ST18: variants seen among roughly 807,000 people sequenced by gnomAD.
The protein encoded by ST18 is ST18 C2H2C-type zinc finger transcription factor.
A neutral mutation model predicts 110.0 loss-of-function variants in ST18; 50 were observed. The ratio of observed to expected loss-of-function variants is 0.45; its 90% CI spans 0.36 to 0.58. The LOEUF is 0.58. Ranked by LOEUF, ST18 falls within the 20% of genes least tolerant of loss-of-function variation. The probability of loss-of-function intolerance (pLI) is 0.00; values close to 1 mark genes in which losing one functional copy is unlikely to be tolerated. For synonymous variants in ST18, 461 were observed against 452.4 expected, an observed-to-expected ratio of 1.02 and a Z score of -0.24; for missense variants, 1,306 against 1,280.1, an observed-to-expected ratio of 1.02 and a Z score of -0.31.
At chr8:52,169,584 G>T (rs990727631) in intron 10 of ST18, among the ~76,000 whole-genome samples, 1 of 152,192 alleles carries the variant, frequency 6.6e-6, no homozygotes, top group African/African-American at 2.4e-5. Context: ...TGTCTGGGAG[G>T]TTAGGTTGGT....
intron 2 of ST18, among the ~76,000 whole-genome samples, chr8:52,400,632 T>A (rs1590729203): frequency 6.6e-6 from 1 of 152,142 alleles, no homozygotes; most frequent in South Asian, 2.1e-4. Context: ...ACATAAAACA[T>A]CTTATAGTTA....
At chr8:52,187,780 C>A (rs938966379) in intron 8 of ST18, among the ~76,000 whole-genome samples, 23 of 152,302 alleles carry the variant, frequency 1.5e-4, no homozygotes, top group African/African-American at 5.0e-4. Context: ...TCCGTATGTA[C>A]ATTTGGCCTA....
At chr8:52,396,261 AT>A (rs1487829795) in intron 2 of ST18, among the ~76,000 whole-genome samples, 1 of 151,922 alleles carries the variant, frequency 6.6e-6, no homozygotes, top group Admixed American at 6.6e-5. Flanking sequence ...TGACTACTTT[AT>A]TTTTTTGACC....
chr8:52,342,561 A>G (rs1019662594), intron 2 of ST18, among the ~76,000 whole-genome samples: 10 of 152,212 alleles, frequency 6.6e-5, no homozygotes, highest in Non-Finnish European at 1.5e-4. Flanking sequence ...TTCTAGAAAC[A>G]ACCTTATGCG....
At chr8:52,309,260 C>T (rs547348235) in intron 2 of ST18, among the ~76,000 whole-genome samples, 37 of 152,300 alleles carry the variant, frequency 2.4e-4, no homozygotes, top group African/African-American at 8.9e-4. Flanking sequence ...GTAGCTCACA[C>T]CTGTAATTCC....
intron 2 of ST18, chr8:52,407,884 T>A (rs1449229945): frequency 6.6e-6 from 1 of 152,220 alleles, no homozygotes; most frequent in Non-Finnish European, 1.5e-5. Context: ...TCCACCCCAA[T>A]TCATCAATAC....
At chr8:52,246,049 A>G (rs142742019) in intron 2 of ST18, among the ~76,000 whole-genome samples, 416 of 152,236 alleles carry the variant, frequency 2.7e-3, no homozygotes, top group Non-Finnish European at 4.6e-3. Context: ...TTTTTGCCTA[A>G]AAATTTATAA....
rs144418452 is a variant in ST18, at chr8:52,112,217, A to C, written c.*981T>G. On this transcript the variant is annotated 3_prime_UTR_variant, in exon 26 of 26. Coordinates refer to ENST00000689386, the MANE Select transcript of ST18 (RefSeq NM_001352837.2). ...TATTTCAGGGGATATGGTATCTACA[A>C]AATTTTTCATTTGGATGTGTTTGTA... The C allele has an allele frequency of 6.6e-6, 1 of 152,594 alleles. No homozygotes were observed. Among genetic ancestry groups the C allele is most frequent in the African/African-American group, 2.4e-5 (1 of 41,428 alleles). The allele number at this position is 152,594 out of a possible 1,614,324, so 9.5% of individuals were successfully genotyped here.
intron 2 of ST18, among the ~76,000 whole-genome samples, chr8:52,276,239 A>ATGCACACATACCACACT (rs2095259104): frequency 1.4e-4 from 1 of 7,226 alleles, no homozygotes; most frequent in Non-Finnish European, 3.3e-4. Context: ...CACACACCAC[A>ATGCACACATACCACACT]CACACCATGC....
At chr8:52,142,512 G>A (rs946504553) in intron 17 of ST18, among the ~76,000 whole-genome samples, 1 of 152,040 alleles carries the variant, frequency 6.6e-6, no homozygotes, top group African/African-American at 2.4e-5. Flanking sequence ...TACATAACTC[G>A]TACTTACTGC....
intron 6 of ST18, 116 bp from the exon 7 acceptor site, chr8:52,214,373 G>A (rs2136103218): frequency 9.4e-7 from 1 of 1,058,210 alleles, no homozygotes. Flanking sequence ...CCATGCTCTT[G>A]ACTCACAGCC....
At chr8:52,284,903 T>C (rs1322770544) in intron 2 of ST18, among the ~76,000 whole-genome samples, 1 of 152,208 alleles carries the variant, frequency 6.6e-6, no homozygotes, top group African/African-American at 2.4e-5. Flanking sequence ...TATCATACCT[T>C]TAAGGATTTA....
chr8:52,263,614 T>TG (rs200404802), intron 2 of ST18, among the ~76,000 whole-genome samples: 8,535 of 151,426 alleles, frequency 0.056, 801 homozygotes, highest in African/African-American at 0.2. Flanking sequence ...TGTTTTGTTT[T>TG]TTTTTTTTTT....
chr8:52,214,994 T>C (rs11987838), intron 6 of ST18, among the ~76,000 whole-genome samples: 31,719 of 152,184 alleles, frequency 0.21, 3,811 homozygotes, highest in African/African-American at 0.32. Flanking sequence ...ACCCATCCAT[T>C]TCACTAGAAT....
intron 2 of ST18, among the ~76,000 whole-genome samples, chr8:52,347,822 T>C (rs1211662513): frequency 6.6e-6 from 1 of 152,230 alleles, no homozygotes; most frequent in Non-Finnish European, 1.5e-5. Context: ...CCACCTCCTC[T>C]GGCTTTGAGC....
At chr8:52,290,590 G>C (rs2095540956) in intron 2 of ST18, among the ~76,000 whole-genome samples, 1 of 152,210 alleles carries the variant, frequency 6.6e-6, no homozygotes, top group East Asian at 1.9e-4. Flanking sequence ...AGAGTTTTGT[G>C]AAAGAGGCGG....
rs568960626 is a variant in ST18 at position 52,305,365 on chromosome 8, G to A, written c.-464-75288C>T. Among the ~76,000 whole-genome samples the A allele has an allele frequency of 3.9e-5, 6 of 152,292 alleles. No individual in the cohort carries two copies. The South Asian group carries it at 6.2e-4, about 16-fold the overall frequency. ...TCACTTGTGTCTGTGCAGTGCATGA[G>A]TACTAAGCTGTCAGCCTCCTTGATC... On this transcript the variant is annotated intron_variant, in intron 2 of 25. Coordinates refer to ENST00000689386, the MANE Select transcript of ST18 (RefSeq NM_001352837.2).
chr8:52,253,030 GT>G (rs61268853), intron 2 of ST18, among the ~76,000 whole-genome samples: 5,677 of 147,126 alleles, frequency 0.039, 149 homozygotes, highest in East Asian at 0.12. Flanking sequence ...TTCTTCATCA[GT>G]TTTTTTTTTT....
At chr8:52,339,435 C>G (rs1813804917) in intron 2 of ST18, among the ~76,000 whole-genome samples, 1 of 152,262 alleles carries the variant, frequency 6.6e-6, no homozygotes, top group Non-Finnish European at 1.5e-5. Flanking sequence ...GACAAAACCT[C>G]ACCATGGAGG....
Sources: gnomAD v4.1 joint callset for allele counts (sites outside exome capture counted in the v4.1 genomes callset) on GRCh38, gnomAD v4.1.1 for gene constraint, MANE v1.5 for transcripts, NCBI Gene and HGNC (gene_info 2026-07-23, HGNC 2026-07-21) for gene names.